Variants in TENM2 observed in about 807,000 individuals in gnomAD.
TENM2 encodes the protein teneurin-2.
Under a neutral mutation model 245.2 loss-of-function variants are expected in TENM2, and 52 were observed. The ratio of observed to expected loss-of-function variants is 0.21; its 90% CI spans 0.17 to 0.27. The LOEUF (loss-of-function observed/expected upper bound fraction) is 0.27, where lower values mean the gene tolerates loss of function less well. Ranked by LOEUF, TENM2 falls within the 10% of genes least tolerant of loss-of-function variation. TENM2 has a pLI of 1.00. For synonymous variants in TENM2, 1,363 were observed against 1,438.9 expected, an observed-to-expected ratio of 0.95 and a Z score of 1.19; for missense variants, 3,046 against 3,666.8, an observed-to-expected ratio of 0.83 and a Z score of 4.37.
chr5:167,137,185 A>C, the TENM2 span, among the ~76,000 whole-genome samples: 1 of 152,152 alleles, frequency 6.6e-6, no homozygotes, highest in Admixed American at 6.5e-5. Flanking sequence ...TTCAAATATT[A>C]TCACATTGGG....
In TENM2 at chr5:168,175,343, C is replaced by T. The variant is rs569582957; in HGVS notation, c.2569+12586C>T. Among the ~76,000 whole-genome samples, 89 of 152,308 alleles carry T rather than the reference C, an allele frequency of 5.8e-4. 1 individual carries two copies. Among genetic ancestry groups the T allele is most frequent in the Non-Finnish European group, 3.2e-4 (22 of 68,030 alleles). Reference sequence around the variant, plus strand: ...ATCATTTCAAATAATACATACATTTCAAAATCAGGAACCCATCTTTTGGTC... The same window carrying T: ...ATCATTTCAAATAATACATACATTTTAAAATCAGGAACCCATCTTTTGGTC... On this transcript the variant is annotated intron_variant, in intron 13 of 28. Coordinates refer to ENST00000518659, the Ensembl canonical transcript of TENM2.
At chr5:167,528,809 T>G (rs1771291909) in intron 2 of TENM2, among the ~76,000 whole-genome samples, 1 of 152,186 alleles carries the variant, frequency 6.6e-6, no homozygotes, top group Non-Finnish European at 1.5e-5. Context: ...CCATAACCTC[T>G]TCACATCCTT....
intron 12 of TENM2, among the ~76,000 whole-genome samples, chr5:168,133,827 G>T (rs1754801849): frequency 6.6e-6 from 1 of 152,218 alleles, no homozygotes; most frequent in South Asian, 2.1e-4. Flanking sequence ...TGAATCCAGA[G>T]AAATGCAAGC....
chr5:167,421,344 A>G (rs1312102915), intron 2 of TENM2, among the ~76,000 whole-genome samples: 1 of 152,194 alleles, frequency 6.6e-6, no homozygotes, highest in Non-Finnish European at 1.5e-5. Context: ...TGAAATTAAC[A>G]TTTCCAGTGT....
chr5:167,231,106 T>G, the TENM2 span, among the ~76,000 whole-genome samples: 1 of 152,200 alleles, frequency 6.6e-6, no homozygotes, highest in Admixed American at 6.5e-5. Flanking sequence ...CATGCAAAAC[T>G]GTGAATCCAC....
At chr5:168,076,951 G>A (rs894635515) in intron 7 of TENM2, among the ~76,000 whole-genome samples, 3 of 152,138 alleles carry the variant, frequency 2.0e-5, no homozygotes, top group Non-Finnish European at 4.4e-5. Flanking sequence ...TTATTGAGAA[G>A]ACTAATACAC....
intron 3 of TENM2, among the ~76,000 whole-genome samples, chr5:167,949,113 G>GT (rs1454022112): frequency 6.6e-6 from 1 of 152,162 alleles, no homozygotes; most frequent in Non-Finnish European, 1.5e-5. Context: ...AGGCACCCGA[G>GT]TGAAACTAGG....
At chr5:167,566,920 G>A (rs1773943728) in intron 2 of TENM2, among the ~76,000 whole-genome samples, 3 of 152,064 alleles carry the variant, frequency 2.0e-5, no homozygotes, top group Admixed American at 6.6e-5. Flanking sequence ...AAACAGAAAT[G>A]GAAAACAGAC....
chr5:167,667,494 A>G (rs1561654055), intron 2 of TENM2, among the ~76,000 whole-genome samples: 1 of 152,168 alleles, frequency 6.6e-6, no homozygotes, highest in African/African-American at 2.4e-5. Flanking sequence ...CAATCAACCA[A>G]GTGCATGGAA....
intron 2 of TENM2, among the ~76,000 whole-genome samples, chr5:167,557,057 T>G (rs1773304424): frequency 6.6e-6 from 1 of 152,114 alleles, no homozygotes; most frequent in South Asian, 2.1e-4. Context: ...AATTTAAGAG[T>G]TTTCTAATCA....
At chr5:167,354,013 G>A (rs1464203769) in intron 1 of TENM2, among the ~76,000 whole-genome samples, 1 of 152,168 alleles carries the variant, frequency 6.6e-6, no homozygotes, top group Non-Finnish European at 1.5e-5. Context: ...ATAGAATAAA[G>A]TATACATTCT....
At chr5:167,142,130 T>TA in the TENM2 span, among the ~76,000 whole-genome samples, 5 of 152,130 alleles carry the variant, frequency 3.3e-5, no homozygotes, top group Non-Finnish European at 7.4e-5. Context: ...GCTGCAAGAA[T>TA]GTCGCTATGT....
intron 2 of TENM2, among the ~76,000 whole-genome samples, chr5:167,443,895 T>G (rs997833707): frequency 3.3e-5 from 5 of 152,168 alleles, no homozygotes; most frequent in Non-Finnish European, 7.4e-5. Flanking sequence ...TAGTGTTTAA[T>G]TTAATGGTAA....
At chr5:168,109,698 A>G (rs566468679) in intron 9 of TENM2, among the ~76,000 whole-genome samples, 6 of 152,344 alleles carry the variant, frequency 3.9e-5, no homozygotes, top group African/African-American at 1.4e-4. Flanking sequence ...CAGGGTCCCC[A>G]GATGACTCCC....
chr5:167,714,984 T>C (rs1759164752), intron 2 of TENM2, among the ~76,000 whole-genome samples: 1 of 152,238 alleles, frequency 6.6e-6, no homozygotes, highest in South Asian at 2.1e-4. Context: ...TTAGGTTCTT[T>C]AAATGGAATA....
chr5:167,384,191 C>T (rs1761272815), intron 2 of TENM2, among the ~76,000 whole-genome samples: 1 of 152,096 alleles, frequency 6.6e-6, no homozygotes, highest in Admixed American at 6.6e-5. Flanking sequence ...CTTGAAGAAA[C>T]CAAGCACTCC....
At chr5:168,212,978 G>A (rs1374134138) in intron 20 of TENM2, among the ~76,000 whole-genome samples, 2 of 152,184 alleles carry the variant, frequency 1.3e-5, no homozygotes, top group African/African-American at 4.8e-5. Context: ...AGGCTCCCTA[G>A]AAAGTCCAAA....
chr5:167,173,706 AGT>A, the TENM2 span, among the ~76,000 whole-genome samples: 2,262 of 143,536 alleles, frequency 0.016, 26 homozygotes, highest in African/African-American at 0.03. Flanking sequence ...AGGTGATTTG[AGT>A]GTGTGTGTGT....
At chr5:167,861,010 C>A (rs1356008950) in intron 2 of TENM2, among the ~76,000 whole-genome samples, 1 of 122,416 alleles carries the variant, frequency 8.2e-6, no homozygotes, top group Non-Finnish European at 1.7e-5. Flanking sequence ...CCAAATCCCC[C>A]TCTGTGAGAA....
Sources: allele counts gnomAD v4.1 joint callset (sites outside exome capture counted in the v4.1 genomes callset), GRCh38; gene constraint gnomAD v4.1.1; transcripts MANE v1.5; gene names NCBI Gene and HGNC (gene_info 2026-07-23, HGNC 2026-07-21).